Variants in CCDC154 observed in about 807,000 individuals in gnomAD.
CCDC154 encodes coiled-coil domain-containing protein 154.
CCDC154 carries 91 observed loss-of-function variants against 87.5 expected under a neutral mutation model. The observed-to-expected ratio is 1.04, with a 90% CI of 0.88 to 1.24. CCDC154 has a LOEUF of 1.24. CCDC154 is among the 50% of genes most tolerant of loss of function. The probability of loss-of-function intolerance (pLI) is 0.00; values close to 1 mark genes in which losing one functional copy is unlikely to be tolerated. For synonymous variants in CCDC154, 418 were observed against 400.4 expected (o/e 1.04, Z -0.52); for missense variants, 903 against 879.2 (o/e 1.03, Z -0.34).
chr16:1,437,445 G>A (rs755978284), intron 11 of CCDC154: 39 of 231,430 alleles, frequency 1.7e-4, no homozygotes, highest in Middle Eastern at 1.4e-3. Flanking sequence ...AACTGTGCAC[G>A]TTCACGGGTG....
chr16:1,435,708 T>G (rs2038495773), intron 14 of CCDC154, among the ~76,000 whole-genome samples: 1 of 152,186 alleles, frequency 6.6e-6, no homozygotes. Flanking sequence ...GTATTTTTAG[T>G]AGAGACAGGG....
chr16:1,443,637 G>A lies in CCDC154; in HGVS notation c.283C>T (p.Arg95Cys), dbSNP rs753466167. ...CLREHKQRCE[R>C]ATRSLLRELL... ...TCCCGCAGCAGGCTCCGCGTGGCGC[G>A]CTCACAGCGCTGCTTGTGCTCCCGC... is the stretch of plus-strand genomic sequence containing the variant. The change falls in exon 3 of 17, where the codon CGC becomes TGC. Residue 95 changes from arginine to cysteine, a missense_variant. Transcript: ENST00000389176. 48 of 1,357,538 alleles carry A rather than the reference G, an allele frequency of 3.5e-5. No homozygotes were observed. The highest frequency in any genetic ancestry group is 1.5e-4 in the East Asian group (4 of 27,394). 84.1% of individuals were successfully genotyped at this position (1,357,538 alleles called of 1,614,324 possible). A position where few individuals can be genotyped will look rare whatever the true frequency, so the allele number is the denominator to read the frequency against.
rs769659983 is a variant in CCDC154, at chr16:1,443,871, T to TCATA, written c.145_148dup (p.Glu50ValfsTer2). ...GGCCGTGGATGTCGGATGGCTGGAC[T>TCATA]CATACCTCTCCGAGAGCTCCTCCAG... is the stretch of plus-strand genomic sequence containing the variant. On this transcript the variant is annotated stop_gained and frameshift_variant, in exon 2 of 17. Coordinates refer to ENST00000389176, the MANE Select transcript of CCDC154 (RefSeq NM_001143980.3). LOFTEE classifies it high-confidence loss of function. The TCATA allele has an allele frequency of 1.8e-5, 24 of 1,304,260 alleles. No homozygotes were observed. The African/African-American group carries it at 3.6e-4, about 20-fold the overall frequency. 80.8% of individuals were successfully genotyped at this position (1,304,260 alleles called of 1,614,324 possible). A position where few individuals can be genotyped will look rare whatever the true frequency, so the allele number is the denominator to read the frequency against.
intron 6 of CCDC154, among the ~76,000 whole-genome samples, chr16:1,441,436 T>G (rs2142355630): frequency 6.6e-6 from 1 of 152,238 alleles, no homozygotes; most frequent in East Asian, 1.9e-4. Context: ...CGGTCTCTAT[T>G]TGTGGAGCTC....
chr16:1,436,187 G>T, intron 13 of CCDC154, 101 bp from the exon 14 acceptor site: 1 of 1,000,994 alleles, frequency 1.0e-6, no homozygotes, highest in Non-Finnish European at 1.5e-6. Flanking sequence ...GGGTTAAGGA[G>T]GCTCGAGGGG....
chr16:1,438,429 C>G (rs2038521308), intron 9 of CCDC154, 190 bp downstream of exon 9: 1 of 727,824 alleles, frequency 1.4e-6, no homozygotes, highest in Non-Finnish European at 2.2e-6. Context: ...GGAGGGCAGG[C>G]TGGGTGAGGG....
Position 1,442,918 on chromosome 16 carries a change from C to T in CCDC154, c.513G>A (p.Glu171=), listed in dbSNP as rs1406409446. 1 of 1,549,942 alleles carries T rather than the reference C, an allele frequency of 6.5e-7. No homozygotes were observed. Among genetic ancestry groups the T allele is most frequent in the South Asian group, 1.2e-5 (1 of 84,066 alleles). Reference sequence around the variant, plus strand: ...CTTGCTCGGCGCCCCTTCTCTCCGCCTCCTGTTGCACCTGCCTCCTCCTGA... The same window carrying T: ...CTTGCTCGGCGCCCCTTCTCTCCGCTTCCTGTTGCACCTGCCTCCTCCTGA... The part of the protein sequence containing the change: ...TRLRRRQVQQ[E]AERRGAEQEA... Residue 171 remains glutamate (E), a synonymous_variant, in exon 5 of 17, where the codon GAG becomes GAA. Coordinates refer to ENST00000389176, the MANE Select transcript of CCDC154 (RefSeq NM_001143980.3).
At chr16:1,434,576 A>AGGCC in intron 16 of CCDC154, 42 bp from the exon 17 acceptor site, 1 of 808,180 alleles carries the variant, frequency 1.2e-6, no homozygotes, top group Non-Finnish European at 1.6e-6. Flanking sequence ...CCCCCGCCCC[A>AGGCC]CCCCCCATGG....
chr16:1,438,772 C>G, intron 8 of CCDC154, 35 bp from the exon 9 acceptor site: 2 of 1,542,844 alleles, frequency 1.3e-6, no homozygotes, highest in African/African-American at 1.4e-5. Context: ...GAGACCTGCA[C>G]CCCGGCCCCG....
At chr16:1,441,934 G>C (rs1011983783) in intron 6 of CCDC154, among the ~76,000 whole-genome samples, 1 of 151,402 alleles carries the variant, frequency 6.6e-6, no homozygotes, top group African/African-American at 2.4e-5. Context: ...GTTTTGTTTT[G>C]TTTTTTGAAA....
At position 1,435,931 on chromosome 16, in the gene CCDC154, C is replaced by G. The variant is rs553289409; in HGVS notation, c.1605+38G>C. ...GCCCCGTCTGAACCTGATGGCTCCCCCTCTCTCCCAGCTGGGTGCGGGCAG... is the reference window on the plus strand; with the variant it reads ...GCCCCGTCTGAACCTGATGGCTCCCGCTCTCTCCCAGCTGGGTGCGGGCAG... On this transcript the variant is annotated intron_variant, in intron 14 of 16. Transcript: ENST00000389176. 5.0e-5 allele frequency: 75 copies of G among 1,507,874 alleles called. 2 individuals are homozygous for G. The South Asian group carries it at 8.4e-4, about 17-fold the overall frequency. The allele number at this position is 1,507,874 out of a possible 1,614,324, so 93.4% of individuals were successfully genotyped here. A position where few individuals can be genotyped will look rare whatever the true frequency, so the allele number is the denominator to read the frequency against.
At chr16:1,437,437 C>T in intron 11 of CCDC154, 1 of 219,706 alleles carries the variant, frequency 4.6e-6, no homozygotes, top group East Asian at 1.1e-4. Context: ...ACACACGGAA[C>T]TGTGCACGTT....
Position 1,437,943 on chromosome 16 carries a change from C to T in CCDC154, c.1164G>A (p.Lys388=), listed in dbSNP as rs1319122943. Residue 388 remains lysine (K), a synonymous_variant, in exon 11 of 17, where the codon AAG becomes AAA. Coordinates refer to ENST00000389176, the MANE Select transcript of CCDC154 (RefSeq NM_001143980.3). ...MHGELVLLRE[K]SRALEASVAQ... is the part of the protein sequence containing the mutation. The stretch of plus-strand genomic sequence containing the variant: ...CCACGGATGCCTCCAGAGCCCGGCT[C>T]TTCTCTCGGAGCTGCAGGGGACAGG... 6.5e-7 allele frequency: 1 copy of T among 1,546,546 alleles called. No homozygotes were observed. Among genetic ancestry groups the T allele is most frequent in the Admixed American group, 2.0e-5 (1 of 50,930 alleles).
At chr16:1,436,615 G>A (rs757251838) in intron 12 of CCDC154, 77 bp downstream of exon 12, 288 of 1,546,248 alleles carry the variant, frequency 1.9e-4, no homozygotes, top group Non-Finnish European at 2.4e-4. Flanking sequence ...GGAGGGGAGA[G>A]GACAAGGTGC....
At position 1,434,497 on chromosome 16, in the gene CCDC154, C is replaced by A. The variant is rs1322244239; in HGVS notation, c.1915G>T (p.Ala639Ser). The stretch of plus-strand genomic sequence containing the variant: ...AGGACCCCTCCTGGCCTCCGCAGGG[C>A]CCTGAGCTTTATGAGGGACGCCTTC... ...RWKASLIKLRALRRPGGVLEK... is the reference protein window; with the variant it reads ...RWKASLIKLRSLRRPGGVLEK... The change falls in exon 17 of 17, where the codon GCC becomes TCC. Residue 639 changes from alanine (A) to serine (S), a missense_variant. Physicochemically the swap from Ala to Ser is moderately conservative, Grantham distance 99. Coordinates refer to ENST00000389176, the MANE Select transcript of CCDC154 (RefSeq NM_001143980.3). The A allele has an allele frequency of 6.5e-7, 1 of 1,549,630 alleles. No homozygotes were observed. Among genetic ancestry groups the A allele is most frequent in the Non-Finnish European group, 8.7e-7 (1 of 1,146,758 alleles).
intron 14 of CCDC154, 91 bp downstream of exon 14, chr16:1,435,878 G>T: frequency 1.8e-6 from 2 of 1,110,380 alleles, no homozygotes; most frequent in Non-Finnish European, 2.6e-6. Flanking sequence ...TGCCCCGTAG[G>T]CTGGGGGTCC....
In CCDC154 at chr16:1,436,763, C is replaced by T; in HGVS notation, c.1339G>A (p.Ala447Thr). 6 of 1,550,536 alleles carry T rather than the reference C, an allele frequency of 3.9e-6. No homozygotes were observed. Among genetic ancestry groups the T allele is most frequent in the Non-Finnish European group, 4.4e-6 (5 of 1,146,956 alleles). Residue 447 changes from alanine to threonine, a missense_variant, in exon 12 of 17, where the codon GCC (alanine) becomes ACC (threonine). Transcript: ENST00000389176. ...GAERKSLEDL[A>T]RWRKEVTEHL... Reference sequence around the variant, plus strand: ...TCGGTCACCTCCTTCCGCCACCTGGCCAGGTCCTCCAGGGACTTCCTCTCT... The same window carrying T: ...TCGGTCACCTCCTTCCGCCACCTGGTCAGGTCCTCCAGGGACTTCCTCTCT...
In CCDC154 at chr16:1,438,803, G is replaced by A. The variant is rs748177333; in HGVS notation, c.906+12C>T. The stretch of plus-strand genomic sequence containing the variant: ...CCCCGGCCCCACCTGCCCGCCGCCC[G>A]CCCGGCCCCACCTCATGCTGCCCCT... On this transcript the variant is annotated intron_variant, in intron 8 of 16. Coordinates refer to ENST00000389176, the MANE Select transcript of CCDC154 (RefSeq NM_001143980.3). The A allele has an allele frequency of 2.2e-5, 29 of 1,291,532 alleles. No individual in the cohort carries two copies. Among genetic ancestry groups the A allele is most frequent in the South Asian group, 5.2e-5 (4 of 77,382 alleles). The allele number at this position is 1,291,532 out of a possible 1,614,324, so 80.0% of individuals were successfully genotyped here.
Position 1,442,939 on chromosome 16 carries a change from C to T in CCDC154, c.492G>A (p.Arg164=). ...VEVREALTRL[R]RRQVQQEAER... ...CCGCCTCCTGTTGCACCTGCCTCCT[C>T]CTGAGCCGGGTCAAGGCTTCCCGGA... The change falls in exon 5 of 17, where the codon AGG becomes AGA. Residue 164 remains arginine, a synonymous_variant. Coordinates refer to ENST00000389176, the MANE Select transcript of CCDC154 (RefSeq NM_001143980.3). The T allele has an allele frequency of 6.5e-7, 1 of 1,550,094 alleles. No homozygotes were observed. The highest frequency in any genetic ancestry group is 1.4e-5 in the African/African-American group (1 of 73,188).
Sources: allele counts gnomAD v4.1 joint callset (sites outside exome capture counted in the v4.1 genomes callset), GRCh38; gene constraint gnomAD v4.1.1; transcripts MANE v1.5; gene names NCBI Gene and HGNC (gene_info 2026-07-23, HGNC 2026-07-21).